The following PCSK6 variants were observed in gnomAD, a reference collection of about 807,000 sequenced individuals.
PCSK6 encodes the protein proprotein convertase subtilisin/kexin type 6, also known as paired basic amino acid cleaving enzyme 4.
Under a neutral mutation model 123.3 loss-of-function variants are expected in PCSK6, and 85 were observed. The observed-to-expected ratio is 0.69, with a 90% CI of 0.58 to 0.83. The LOEUF (loss-of-function observed/expected upper bound fraction) is 0.83. PCSK6 is among the 40% of genes least tolerant of loss of function. The probability of loss-of-function intolerance (pLI) is 0.00; values close to 1 mark genes in which losing one functional copy is unlikely to be tolerated. For synonymous variants in PCSK6, 508 were observed against 516.0 expected (o/e 0.98, Z 0.21); for missense variants, 1,191 against 1,282.3 (o/e 0.93, Z 1.09).
At chr15:101,451,090 G>A (rs916662531) in intron 1 of PCSK6, among the ~76,000 whole-genome samples, 1 of 151,850 alleles carries the variant, frequency 6.6e-6, no homozygotes, top group African/African-American at 2.4e-5. Context: ...CCATCATGTC[G>A]TTTCTTTAAA....
intron 20 of PCSK6, among the ~76,000 whole-genome samples, chr15:101,309,825 G>A (rs76246547): frequency 0.034 from 5,149 of 152,358 alleles, 293 homozygotes; most frequent in African/African-American, 0.12. Flanking sequence ...ACTAGGTCTT[G>A]AGGGTGTCCG....
intron 21 of PCSK6, among the ~76,000 whole-genome samples, chr15:101,306,325 G>C (rs2039721600): frequency 6.6e-6 from 1 of 152,088 alleles, no homozygotes; most frequent in African/African-American, 2.4e-5. Context: ...CCTTTGAAGG[G>C]ACATAATTAG....
chr15:101,434,811 T>A (rs1298264518), intron 2 of PCSK6, among the ~76,000 whole-genome samples: 1 of 152,140 alleles, frequency 6.6e-6, no homozygotes, highest in Non-Finnish European at 1.5e-5. Context: ...CGGCACTGTG[T>A]CCCTTCCTCT....
chr15:101,349,804 T>C (rs866386667), intron 13 of PCSK6, among the ~76,000 whole-genome samples: 2 of 152,218 alleles, frequency 1.3e-5, no homozygotes, highest in African/African-American at 4.8e-5. Context: ...TGGCCCCGAG[T>C]GCAGAGTGCC....
intron 6 of PCSK6, among the ~76,000 whole-genome samples, chr15:101,404,439 CT>C (rs1431373426): frequency 2.2e-4 from 34 of 152,334 alleles, no homozygotes; most frequent in South Asian, 4.1e-4. Flanking sequence ...ATCTCCATGG[CT>C]GTGTCAGGGA....
In PCSK6 at chr15:101,304,838, G is replaced by C. The variant is rs767576950; in HGVS notation, c.*420C>G. 5 of 172,908 alleles carry C rather than the reference G, an allele frequency of 2.9e-5. No individual in the cohort carries two copies. Among genetic ancestry groups the C allele is most frequent in the Non-Finnish European group, 6.2e-5 (5 of 80,450 alleles). The allele number at this position is 172,908 out of a possible 1,614,324, so 10.7% of individuals were successfully genotyped here. On this transcript the variant is annotated 3_prime_UTR_variant, in exon 22 of 22. Transcript: ENST00000611716. ...TTTGTCACATGTGAGGATGGCCCAG[G>C]GTTCGCCAGCTGGGCCGGGGAGATT... is the stretch of plus-strand genomic sequence containing the variant.
At chr15:101,307,661 G>A (rs941746814) in intron 20 of PCSK6, 13 of 279,776 alleles carry the variant, frequency 4.6e-5, no homozygotes, top group South Asian at 2.6e-4. Context: ...CCCACCACAC[G>A]GCTCCCAGAG....
chr15:101,385,862 G>A (rs965088635), intron 9 of PCSK6, among the ~76,000 whole-genome samples: 6 of 152,258 alleles, frequency 3.9e-5, no homozygotes, highest in Admixed American at 6.5e-5. Context: ...GGTTCCGGCC[G>A]CCATTTGACA....
chr15:101,324,406 C>T (rs1446394368), intron 17 of PCSK6, among the ~76,000 whole-genome samples: 1 of 152,240 alleles, frequency 6.6e-6, no homozygotes, highest in South Asian at 2.1e-4. Flanking sequence ...GACCCACGCC[C>T]AGCGCACACA....
chr15:101,441,770 C>T (rs1437176403), intron 2 of PCSK6, among the ~76,000 whole-genome samples: 3 of 152,216 alleles, frequency 2.0e-5, no homozygotes, highest in Admixed American at 1.3e-4. Flanking sequence ...AGCTTGCTTT[C>T]ATTGTAACTA....
chr15:101,348,700 A>C (rs2040811364), intron 13 of PCSK6, among the ~76,000 whole-genome samples: 1 of 152,174 alleles, frequency 6.6e-6, no homozygotes, highest in Non-Finnish European at 1.5e-5. Flanking sequence ...GAATCTCCCC[A>C]GGCCCGTTGA....
chr15:101,423,832 C>T (rs1315838291), intron 6 of PCSK6, among the ~76,000 whole-genome samples: 1 of 151,856 alleles, frequency 6.6e-6, no homozygotes, highest in African/African-American at 2.4e-5. Context: ...CTAAGAAGCA[C>T]AGAAAACCCA....
At chr15:101,401,899 C>T (rs2042598583) in intron 6 of PCSK6, among the ~76,000 whole-genome samples, 1 of 151,978 alleles carries the variant, frequency 6.6e-6, no homozygotes, top group Non-Finnish European at 1.5e-5. Flanking sequence ...TGACTTTCTT[C>T]ACAGAATTGG....
chr15:101,430,108 A>C (rs1461768031), intron 4 of PCSK6, 45 bp from the exon 5 acceptor site: 2 of 1,483,062 alleles, frequency 1.3e-6, no homozygotes, highest in Non-Finnish European at 1.9e-6. Context: ...GGCATGTGAC[A>C]GCTCTGTTTG....
intron 1 of PCSK6, among the ~76,000 whole-genome samples, chr15:101,447,280 C>T (rs984880478): frequency 5.9e-5 from 9 of 152,122 alleles, no homozygotes; most frequent in Admixed American, 4.6e-4. Context: ...GGCCCCCAGG[C>T]TCACGCAGGG....
intron 13 of PCSK6, among the ~76,000 whole-genome samples, chr15:101,344,772 C>T (rs2040692702): frequency 6.6e-6 from 1 of 152,114 alleles, no homozygotes; most frequent in Non-Finnish European, 1.5e-5. Context: ...CTGCCTCAGC[C>T]TCTTGAGTAG....
chr15:101,430,118 G>T (rs3825896), intron 4 of PCSK6, 55 bp from the exon 5 acceptor site: 696,518 of 1,430,072 alleles, frequency 0.49, 175,716 homozygotes, highest in Non-Finnish European at 0.53. Flanking sequence ...AGCTCTGTTT[G>T]AAATGGATTT....
intron 13 of PCSK6, among the ~76,000 whole-genome samples, chr15:101,351,645 A>G (rs965592517): frequency 6.6e-6 from 1 of 152,226 alleles, no homozygotes; most frequent in South Asian, 2.1e-4. Flanking sequence ...CCTTTATATC[A>G]GTAAAATTTA....
chr15:101,351,114 T>C (rs925999148), intron 13 of PCSK6, among the ~76,000 whole-genome samples: 2 of 152,200 alleles, frequency 1.3e-5, no homozygotes, highest in African/African-American at 4.8e-5. Flanking sequence ...TGGTGGCTAC[T>C]GGACCCCTCT....
Sources: allele counts gnomAD v4.1 joint callset (sites outside exome capture counted in the v4.1 genomes callset), GRCh38; gene constraint gnomAD v4.1.1; transcripts MANE v1.5; gene names NCBI Gene and HGNC (gene_info 2026-07-23, HGNC 2026-07-21).